The following COBL variants were observed in gnomAD, a reference collection of about 807,000 sequenced individuals.
The protein encoded by COBL is cordon-bleu WH2 repeat protein.
A neutral mutation model predicts 98.8 loss-of-function variants in COBL; 51 were observed. That is an observed-to-expected ratio of 0.52 (90% CI 0.41 to 0.65). The LOEUF (loss-of-function observed/expected upper bound fraction) is 0.65, where lower values mean the gene tolerates loss of function less well. COBL is among the 30% of genes least tolerant of loss of function. COBL has a pLI of 0.00. For synonymous variants in COBL, 634 were observed against 651.7 expected, an observed-to-expected ratio of 0.97 and a Z score of 0.41; for missense variants, 1,617 against 1,617.5, an observed-to-expected ratio of 1.00 and a Z score of 0.01.
intron 5 of COBL, among the ~76,000 whole-genome samples, chr7:51,176,001 T>C (rs763641452): frequency 3.3e-5 from 5 of 152,200 alleles, no homozygotes; most frequent in Non-Finnish European, 7.3e-5. Context: ...AAATCCTCAG[T>C]CTGGACCTTG....
chr7:51,224,600 G>T (rs567293251), intron 1 of COBL, among the ~76,000 whole-genome samples: 20 of 152,112 alleles, frequency 1.3e-4, no homozygotes, highest in Non-Finnish European at 2.5e-4. Context: ...CACATCACAG[G>T]AGAAGACGCT....
chr7:51,239,531 T>C (rs748568782), intron 1 of COBL, among the ~76,000 whole-genome samples: 1 of 152,184 alleles, frequency 6.6e-6, no homozygotes, highest in African/African-American at 2.4e-5. Flanking sequence ...ATCATAAAAA[T>C]GGCCAACCAG....
chr7:51,026,811 T>G, intron 10 of COBL, 146 bp from the exon 11 acceptor site: 1 of 1,052,580 alleles, frequency 9.5e-7, no homozygotes, highest in Admixed American at 2.3e-5. Context: ...GGCACCAGAA[T>G]TGTTTGAACC....
chr7:51,102,743 G>A (rs1202162044), intron 6 of COBL, among the ~76,000 whole-genome samples: 7 of 152,148 alleles, frequency 4.6e-5, no homozygotes, highest in South Asian at 2.1e-4. Flanking sequence ...TCATTTGTTC[G>A]CTTGTTTGTT....
At chr7:51,075,960 G>A (rs1180937269) in intron 7 of COBL, among the ~76,000 whole-genome samples, 1 of 152,118 alleles carries the variant, frequency 6.6e-6, no homozygotes, top group Non-Finnish European at 1.5e-5. Flanking sequence ...CACAGTTGAC[G>A]ATTTCCTTCC....
At chr7:51,218,054 T>G (rs765464499) in intron 2 of COBL, among the ~76,000 whole-genome samples, 1 of 152,210 alleles carries the variant, frequency 6.6e-6, no homozygotes, top group Admixed American at 6.5e-5. Flanking sequence ...CAACCTCCCA[T>G]TCTAGCCCAG....
chr7:51,154,140 T>C (rs1241512319), intron 5 of COBL, among the ~76,000 whole-genome samples: 1 of 152,164 alleles, frequency 6.6e-6, no homozygotes. Flanking sequence ...GGGATTTCCT[T>C]TATGAGAGCA....
chr7:51,131,761 T>C, intron 6 of COBL, among the ~76,000 whole-genome samples: 1 of 152,158 alleles, frequency 6.6e-6, no homozygotes. Flanking sequence ...GCCCAGCTAA[T>C]TTTTGTATTT....
intron 7 of COBL, among the ~76,000 whole-genome samples, chr7:51,062,841 A>T (rs1185165127): frequency 6.6e-6 from 1 of 152,192 alleles, no homozygotes; most frequent in Non-Finnish European, 1.5e-5. Flanking sequence ...CTGTCCTGGA[A>T]GAGGCTGTGA....
chr7:51,254,071 GTTTT>G (rs35571345), intron 1 of COBL, among the ~76,000 whole-genome samples: 1 of 147,344 alleles, frequency 6.8e-6, no homozygotes, highest in Non-Finnish European at 1.5e-5. Flanking sequence ...TTTTTGAGTT[GTTTT>G]TTTTTTGTCA....
chr7:51,180,482 A>C (rs1219075774), intron 5 of COBL, among the ~76,000 whole-genome samples: 1 of 152,198 alleles, frequency 6.6e-6, no homozygotes, highest in Non-Finnish European at 1.5e-5. Context: ...ATCTAATCTG[A>C]GATTCCTTAA....
At chr7:51,044,005 T>C (rs934389468) in intron 7 of COBL, among the ~76,000 whole-genome samples, 1 of 152,236 alleles carries the variant, frequency 6.6e-6, no homozygotes, top group African/African-American at 2.4e-5. Context: ...ACATGTTGAA[T>C]GCAATTGTTT....
chr7:51,124,515 A>C (rs1376497966), intron 6 of COBL, among the ~76,000 whole-genome samples: 1 of 152,144 alleles, frequency 6.6e-6, no homozygotes, highest in Non-Finnish European at 1.5e-5. Context: ...CCTTTCCAAC[A>C]CTGATGGCTT....
At position 51,028,189 on chromosome 7, in the gene COBL, A is replaced by G; in HGVS notation, c.2907T>C (p.Ala969=). The G allele has an allele frequency of 6.2e-7, 1 of 1,614,260 alleles. No individual in the cohort carries two copies. ...RKLSTQDRPA[A]IHRSSCFSLV... Reference sequence around the variant, plus strand: ...GTGAGAAACAGGAGCTTCTGTGGATAGCAGCAGGTCTGTCCTGAGTAGACA... The same window carrying G: ...GTGAGAAACAGGAGCTTCTGTGGATGGCAGCAGGTCTGTCCTGAGTAGACA... The change falls in exon 10 of 13, where the codon GCT becomes GCC. Residue 969 remains alanine (A), a synonymous_variant. Transcript: ENST00000265136.
intron 1 of COBL, among the ~76,000 whole-genome samples, chr7:51,239,578 C>G (rs1313119476): frequency 6.6e-6 from 1 of 152,194 alleles, no homozygotes; most frequent in Non-Finnish European, 1.5e-5. Flanking sequence ...AGTAGCCATT[C>G]TTTTGTTTCT....
chr7:51,148,120 A>C (rs888703373), intron 5 of COBL, among the ~76,000 whole-genome samples: 1 of 152,156 alleles, frequency 6.6e-6, no homozygotes, highest in African/African-American at 2.4e-5. Context: ...CTTTGAATAA[A>C]TATTGCTTCT....
At chr7:51,156,919 T>A (rs1018739290) in intron 5 of COBL, among the ~76,000 whole-genome samples, 1 of 152,180 alleles carries the variant, frequency 6.6e-6, no homozygotes, top group South Asian at 2.1e-4. Flanking sequence ...CACAGCTGCA[T>A]CCGCAGCTTA....
intron 6 of COBL, among the ~76,000 whole-genome samples, chr7:51,121,726 G>T (rs1450276361): frequency 6.6e-6 from 1 of 152,114 alleles, no homozygotes; most frequent in Non-Finnish European, 1.5e-5. Flanking sequence ...TTACACTGCT[G>T]CAAATTTAAA....
chr7:51,028,608 C>T lies in COBL; in HGVS notation c.2488G>A (p.Gly830Arg), dbSNP rs1304232408. Residue 830 changes from glycine (G) to arginine (R), a missense_variant, in exon 10 of 13, where the codon GGG becomes AGG. Physicochemically the swap from Gly to Arg is moderately radical, Grantham distance 125 (BLOSUM62 -2). Coordinates refer to ENST00000265136, the MANE Select transcript of COBL (RefSeq NM_015198.5). ...SAHHEGRNPL[G>R]EGRNQPPTMG... ...GTGGGGGGCTGGTTTCTCCCCTCCC[C>T]TAGGGGGTTCCGGCCCTCATGGTGG... 1.9e-6 allele frequency: 3 copies of T among 1,613,900 alleles called. No homozygotes were observed. The highest frequency in any genetic ancestry group is 2.5e-6 in the Non-Finnish European group (3 of 1,179,882).
Sources: allele counts gnomAD v4.1 joint callset (sites outside exome capture counted in the v4.1 genomes callset), GRCh38; gene constraint gnomAD v4.1.1; transcripts MANE v1.5; gene names NCBI Gene and HGNC (gene_info 2026-07-23, HGNC 2026-07-21).